Variants in LTBP1 observed in about 807,000 individuals in gnomAD.
LTBP1 encodes latent transforming growth factor beta binding protein 1.
In LTBP1, 129 loss-of-function variants were observed where a neutral mutation model predicts 207.6. The ratio of observed to expected loss-of-function variants is 0.62; its 90% confidence interval spans 0.54 to 0.72. LTBP1 has a LOEUF of 0.72. Among genes scored for constraint, LTBP1 ranks in the 30% least tolerant of loss-of-function variants. LTBP1 has a pLI of 0.00. For missense variants in LTBP1, 2,281 were observed against 2,217.2 expected, an observed-to-expected ratio of 1.03 and a Z score of -0.58; for synonymous variants, 963 against 833.7, an observed-to-expected ratio of 1.16 and a Z score of -2.67.
intron 3 of LTBP1, among the ~76,000 whole-genome samples, chr2:33,043,330 T>C (rs1362233587): frequency 2.0e-5 from 3 of 152,190 alleles, no homozygotes; most frequent in African/African-American, 4.8e-5. Flanking sequence ...TTTTTTTTAC[T>C]TATTAAAAGA....
chr2:33,076,201 T>C (rs1320551378), intron 3 of LTBP1, among the ~76,000 whole-genome samples: 1 of 152,210 alleles, frequency 6.6e-6, no homozygotes, highest in Admixed American at 6.5e-5. Flanking sequence ...ACTGGTTTTT[T>C]CCAAAGAGGT....
Position 33,045,670 on chromosome 2 carries a change from G to A in LTBP1, c.863+24464G>A, listed in dbSNP as rs377054723. Among the ~76,000 whole-genome samples, 9 of 152,172 alleles carry A rather than the reference G, an allele frequency of 5.9e-5. No homozygotes were observed. The East Asian group carries it at 1.2e-3, about 20-fold the overall frequency. On this transcript the variant is annotated intron_variant, in intron 3 of 33. Coordinates refer to ENST00000404816, the MANE Select transcript of LTBP1 (RefSeq NM_206943.4). ...TGAAGAAAGTCAATGGTAGCTTGAT[G>A]GGGATAGCATTGAATCTATAAATTA...
chr2:33,246,081 A>C (rs575432169), intron 10 of LTBP1, among the ~76,000 whole-genome samples: 2 of 152,366 alleles, frequency 1.3e-5, no homozygotes, highest in South Asian at 4.1e-4. Context: ...TTATTTGAAA[A>C]ATAAATAATT....
chr2:32,993,412 T>C (rs1047113758), intron 2 of LTBP1, among the ~76,000 whole-genome samples: 2 of 152,130 alleles, frequency 1.3e-5, no homozygotes, highest in East Asian at 3.8e-4. Context: ...CACACACATA[T>C]GCACACACAC....
intron 24 of LTBP1, among the ~76,000 whole-genome samples, chr2:33,317,392 T>A (rs1397255112): frequency 6.6e-6 from 1 of 152,248 alleles, no homozygotes; most frequent in African/African-American, 2.4e-5. Flanking sequence ...TTATTATGCA[T>A]GTTATTCTCT....
rs2148375800 is a variant in LTBP1 at position 33,273,792 on chromosome 2, A to G, written c.2743+11A>G. The G allele has an allele frequency of 1.9e-6, 3 of 1,581,484 alleles. No individual in the cohort carries two copies. Among genetic ancestry groups the G allele is most frequent in the South Asian group, 1.2e-5 (1 of 84,104 alleles). The stretch of plus-strand genomic sequence containing the variant: ...AGAGGAAATGTGTGGGTAAGAGACA[A>G]TTTGATTGACTAAATTATTAAATAT... On this transcript the variant is annotated intron_variant, in intron 16 of 33. Coordinates refer to ENST00000404816, the MANE Select transcript of LTBP1 (RefSeq NM_206943.4).
intron 6 of LTBP1, 58 bp downstream of exon 6, chr2:33,187,138 T>C (rs530376661): frequency 1.3e-6 from 2 of 1,490,464 alleles, no homozygotes; most frequent in East Asian, 2.3e-5. Context: ...CAAACCCACA[T>C]AGAAGTCAAG....
intron 23 of LTBP1, among the ~76,000 whole-genome samples, chr2:33,310,137 G>A (rs970490933): frequency 1.3e-5 from 2 of 152,002 alleles, no homozygotes; most frequent in East Asian, 1.9e-4. Context: ...TACTGGAGAC[G>A]GGGGTTTCAC....
At chr2:33,064,123 G>C (rs1013719606) in intron 3 of LTBP1, among the ~76,000 whole-genome samples, 1 of 152,152 alleles carries the variant, frequency 6.6e-6, no homozygotes, top group Non-Finnish European at 1.5e-5. Context: ...AAAGTGCTAG[G>C]ATTACAGGCG....
At chr2:33,241,835 C>A (rs1573380741) in intron 9 of LTBP1, among the ~76,000 whole-genome samples, 1 of 152,176 alleles carries the variant, frequency 6.6e-6, no homozygotes, top group East Asian at 1.9e-4. Flanking sequence ...CCTGGTCCTT[C>A]ATGGTGGTTT....
chr2:33,258,905 T>C (rs2092935815), intron 12 of LTBP1, among the ~76,000 whole-genome samples: 1 of 152,206 alleles, frequency 6.6e-6, no homozygotes, highest in Non-Finnish European at 1.5e-5. Flanking sequence ...GAAGGACTGA[T>C]TAATGAAAAG....
rs185807001 is a variant in LTBP1 at position 33,167,315 on chromosome 2, G to A, written c.1202-19541G>A. On this transcript the variant is annotated intron_variant, in intron 5 of 33. Coordinates refer to ENST00000404816, the MANE Select transcript of LTBP1 (RefSeq NM_206943.4). ...AAAATCAGAAATTTGGCATTCAAACGACTTCCCAATTAAAAAAAGTTTCAT... is the reference window on the plus strand; with the variant it reads ...AAAATCAGAAATTTGGCATTCAAACAACTTCCCAATTAAAAAAAGTTTCAT... Among the ~76,000 whole-genome samples, 496 of 147,214 alleles carry A rather than the reference G, an allele frequency of 3.4e-3. 2 individuals carry two copies. Among genetic ancestry groups the A allele is most frequent in the African/African-American group, 0.012 (469 of 39,838 alleles).
At chr2:33,104,199 A>G (rs2079923516) in intron 3 of LTBP1, among the ~76,000 whole-genome samples, 1 of 152,194 alleles carries the variant, frequency 6.6e-6, no homozygotes, top group Non-Finnish European at 1.5e-5. Context: ...AGCAGTGTAA[A>G]CAGTGTGTGA....
At position 33,329,581 on chromosome 2, in the gene LTBP1, G is replaced by A. The variant is rs550554995; in HGVS notation, c.3731-13257G>A. 7.3e-4 allele frequency among the ~76,000 whole-genome samples: 111 copies of A among 152,116 alleles called. 2 individuals are homozygous for A. In the South Asian group the frequency reaches 0.023, roughly 31 times the overall value. Reference sequence around the variant, plus strand: ...GTTTTTTTGCATATGGTGAGAAATAGGGGTCAAGATTTCTTCATTTCCTAA... The same window carrying A: ...GTTTTTTTGCATATGGTGAGAAATAAGGGTCAAGATTTCTTCATTTCCTAA... On this transcript the variant is annotated intron_variant, in intron 24 of 33. Coordinates refer to ENST00000404816, the MANE Select transcript of LTBP1 (RefSeq NM_206943.4).
intron 3 of LTBP1, chr2:33,056,370 G>T: frequency 2.4e-6 from 3 of 1,253,322 alleles, no homozygotes; most frequent in Non-Finnish European, 3.1e-6. Flanking sequence ...GGTTTTCTTT[G>T]GTAACAGAAT....
chr2:33,125,526 G>C (rs565454760), intron 4 of LTBP1, among the ~76,000 whole-genome samples: 35 of 152,170 alleles, frequency 2.3e-4, no homozygotes, highest in African/African-American at 7.9e-4. Context: ...GTTATCAGTT[G>C]CTGCATAAAA....
intron 3 of LTBP1, among the ~76,000 whole-genome samples, chr2:33,073,200 T>A (rs542493129): frequency 2.3e-4 from 35 of 152,286 alleles, no homozygotes; most frequent in African/African-American, 7.9e-4. Flanking sequence ...ATTGTAGACA[T>A]TTTTTACCAT....
At chr2:33,306,433 G>C (rs1192582984) in intron 22 of LTBP1, among the ~76,000 whole-genome samples, 2 of 152,102 alleles carry the variant, frequency 1.3e-5, no homozygotes, top group East Asian at 1.9e-4. Flanking sequence ...AGCCGGCCGT[G>C]GTGGCAGGCG....
chr2:33,289,917 C>T (rs949574938), intron 19 of LTBP1, among the ~76,000 whole-genome samples: 2 of 152,170 alleles, frequency 1.3e-5, no homozygotes, highest in African/African-American at 4.8e-5. Context: ...CACCTGCTTC[C>T]TTCATAACCC....
Sources: allele counts gnomAD v4.1 joint callset (sites outside exome capture counted in the v4.1 genomes callset), GRCh38; gene constraint gnomAD v4.1.1; transcripts MANE v1.5; gene names NCBI Gene and HGNC (gene_info 2026-07-23, HGNC 2026-07-21).